The following ABCB11 variants were observed in gnomAD, a reference collection of about 807,000 sequenced individuals.
ABCB11 encodes ATP binding cassette subfamily B member 11.
In ABCB11, 95 loss-of-function variants were observed where a neutral mutation model predicts 148.0. The ratio of observed to expected loss-of-function variants is 0.64; its 90% CI spans 0.54 to 0.76. ABCB11 has a LOEUF of 0.76. ABCB11 is among the 30% of genes least tolerant of loss of function. The pLI, the probability that ABCB11 is intolerant of heterozygous loss-of-function variation, is 0.00. For synonymous variants in ABCB11, 591 were observed against 555.4 expected (o/e 1.06, Z -0.90); for missense variants, 1,523 against 1,617.8 (o/e 0.94, Z 1.01).
intron 2 of ABCB11, among the ~76,000 whole-genome samples, chr2:169,017,012 ACACAC>A: frequency 6.7e-6 from 1 of 149,370 alleles, no homozygotes; most frequent in Non-Finnish European, 1.5e-5. Context: ...ACACACACAC[ACACAC>A]ACACACGAAG....
chr2:168,950,601 C>A (rs948462003), intron 19 of ABCB11, among the ~76,000 whole-genome samples: 3 of 151,580 alleles, frequency 2.0e-5, no homozygotes, highest in African/African-American at 7.3e-5. Flanking sequence ...AATATCTGCT[C>A]ATGTCCTTCA....
intron 1 of ABCB11, among the ~76,000 whole-genome samples, chr2:169,019,192 T>C (rs1345618270): frequency 2.0e-5 from 3 of 152,098 alleles, no homozygotes; most frequent in Non-Finnish European, 2.9e-5. Flanking sequence ...ATGTATTACA[T>C]ACATATATAC....
chr2:169,026,020 A>G (rs1367755671), intron 1 of ABCB11, among the ~76,000 whole-genome samples: 1 of 152,242 alleles, frequency 6.6e-6, no homozygotes, highest in Non-Finnish European at 1.5e-5. Flanking sequence ...AGATAAAGAA[A>G]TAACAGCCAT....
intron 8 of ABCB11, among the ~76,000 whole-genome samples, chr2:168,991,389 C>T (rs1375873882): frequency 6.6e-6 from 1 of 151,970 alleles, no homozygotes; most frequent in East Asian, 1.9e-4. Flanking sequence ...CAGATGATTC[C>T]AGAAAAGAAA....
chr2:168,944,872 GA>G lies in ABCB11; in HGVS notation c.2432del (p.Phe811SerfsTer17). ...LFVAMGCVSL[F>X]TQFLQGYAFA... Reference sequence around the variant, plus strand: ...CATTTCTTACCTGTAGAAATTGGGTGAAAAGAGATACACAGCCCATTGCTAC... The same window carrying G: ...CATTTCTTACCTGTAGAAATTGGGTGAAAGAGATACACAGCCCATTGCTAC... On this transcript the variant is annotated frameshift_variant, in exon 20 of 28. Coordinates refer to ENST00000650372, the MANE Select transcript of ABCB11 (RefSeq NM_003742.4). LOFTEE classifies it high-confidence loss of function. 1.9e-6 allele frequency: 3 copies of G among 1,587,144 alleles called. No homozygotes were observed. Among genetic ancestry groups the G allele is most frequent in the Non-Finnish European group, 2.6e-6 (3 of 1,165,306 alleles).
In ABCB11 at chr2:168,994,233, C is replaced by A. The variant is rs1192043465; in HGVS notation, c.612-351G>T. 2.0e-5 allele frequency among the ~76,000 whole-genome samples: 3 copies of A among 152,048 alleles called. 1 individual carries two copies. In the East Asian group the frequency reaches 5.8e-4, roughly 29 times the overall value. Reference sequence around the variant, plus strand: ...TTCATGCCTGCTGAATCCTTTCAGCCTCAAGGTTCTAGTCACATACCTTCT... The same window carrying A: ...TTCATGCCTGCTGAATCCTTTCAGCATCAAGGTTCTAGTCACATACCTTCT... On this transcript the variant is annotated intron_variant, in intron 7 of 27. Transcript: ENST00000650372.
chr2:168,915,891 C>T (rs1211805668), downstream of ABCB11, among the ~76,000 whole-genome samples: 5 of 152,102 alleles, frequency 3.3e-5, no homozygotes, highest in Non-Finnish European at 5.9e-5. Flanking sequence ...AAAAGAAAAG[C>T]GTGTCGGATT....
chr2:168,993,505 TA>T (rs1694609379), intron 8 of ABCB11, among the ~76,000 whole-genome samples: 1 of 152,104 alleles, frequency 6.6e-6, no homozygotes, highest in Non-Finnish European at 1.5e-5. Context: ...TTGCTGTTAA[TA>T]AAACAATATT....
At chr2:169,025,902 C>A (rs1289696944) in intron 1 of ABCB11, among the ~76,000 whole-genome samples, 1 of 152,146 alleles carries the variant, frequency 6.6e-6, no homozygotes, top group East Asian at 1.9e-4. Context: ...TTAGAAAGAA[C>A]CTGTTACAGA....
In ABCB11 at chr2:168,986,104, A is replaced by C; in HGVS notation, c.1083+6T>G. On this transcript the variant is annotated splice_donor_region_variant and intron_variant, in intron 10 of 27. Coordinates refer to ENST00000650372, the MANE Select transcript of ABCB11 (RefSeq NM_003742.4). The stretch of plus-strand genomic sequence containing the variant: ...TGCTATGTCTCGGTCAATAAGTCCA[A>C]GGTACCTGGACAAGGGTTCCTGGTG... 2 of 1,588,430 alleles carry C rather than the reference A, an allele frequency of 1.3e-6. No homozygotes were observed. The highest frequency in any genetic ancestry group is 1.7e-6 in the Non-Finnish European group (2 of 1,166,466).
At chr2:168,934,857 C>G (rs183484067) in intron 23 of ABCB11, among the ~76,000 whole-genome samples, 1 of 152,132 alleles carries the variant, frequency 6.6e-6, no homozygotes. Context: ...AGTTTCTTTG[C>G]GTGGAGAGAC....
rs1574394033 is a variant in ABCB11, at chr2:168,927,204, T to C, written c.3570A>G (p.Ala1190=). 1.9e-6 allele frequency: 3 copies of C among 1,613,884 alleles called. No individual in the cohort carries two copies. Among genetic ancestry groups the C allele is most frequent in the Non-Finnish European group, 2.5e-6 (3 of 1,179,784 alleles). The part of the protein sequence containing the change: ...TKEIPMERVI[A]AAKQAQLHDF... ...CATGCAGCTGAGCCTGTTTTGCAGC[T>C]GCTATGACTCTTTCCATGGGAATTT... Residue 1190 remains alanine (A), a synonymous_variant, in exon 26 of 28, where the codon GCA becomes GCG. Transcript: ENST00000650372.
intron 17 of ABCB11, among the ~76,000 whole-genome samples, chr2:168,964,559 G>A (rs535153029): frequency 1.3e-5 from 2 of 151,742 alleles, no homozygotes; most frequent in African/African-American, 2.4e-5. Flanking sequence ...GTCAGGGAGG[G>A]AGAAAGAGAA....
chr2:168,991,072 G>T, intron 8 of ABCB11, 147 bp from the exon 9 acceptor site: 1 of 1,045,870 alleles, frequency 9.6e-7, no homozygotes, highest in Non-Finnish European at 1.3e-6. Flanking sequence ...AAGAAATCTG[G>T]TCCAAATTTG....
At position 168,921,863 on chromosome 2, in the gene ABCB11, C is replaced by CTTTTTTTTTTTTT. The variant is rs58414999; in HGVS notation, c.*1746_*1758dup. Among the ~76,000 whole-genome samples the CTTTTTTTTTTTTT allele has an allele frequency of 8.1e-6, 1 of 123,902 alleles. No individual in the cohort carries two copies. Among genetic ancestry groups the CTTTTTTTTTTTTT allele is most frequent in the Non-Finnish European group, 1.7e-5 (1 of 59,572 alleles). The allele number at this position is 123,902 out of a possible 152,430, so 81.3% of individuals were successfully genotyped here. The stretch of plus-strand genomic sequence containing the variant: ...CTTGACCTCTTTTCTTTTTCTTTTT[C>CTTTTTTTTTTTTT]TTTTTTTTTTTTTTTCGCTCTGTCG... On this transcript the variant is annotated 3_prime_UTR_variant, in exon 28 of 28. Coordinates refer to ENST00000650372, the MANE Select transcript of ABCB11 (RefSeq NM_003742.4).
chr2:168,957,860 A>C, intron 19 of ABCB11, 104 bp downstream of exon 19: 1 of 1,119,866 alleles, frequency 8.9e-7, no homozygotes, highest in Non-Finnish European at 1.2e-6. Context: ...GAGAAAAATG[A>C]ACTAACAGAA....
At chr2:169,021,173 G>C (rs1695529030) in intron 1 of ABCB11, among the ~76,000 whole-genome samples, 2 of 151,956 alleles carry the variant, frequency 1.3e-5, no homozygotes. Context: ...ATATTGGCCA[G>C]GCTGGTCTCA....
At chr2:168,959,264 C>T (rs1297799170) in intron 18 of ABCB11, among the ~76,000 whole-genome samples, 1 of 151,704 alleles carries the variant, frequency 6.6e-6, no homozygotes, top group Non-Finnish European at 1.5e-5. Flanking sequence ...TCTTGGCCTG[C>T]TCTCACCATT....
At chr2:169,024,591 A>G (rs1416674297) in intron 1 of ABCB11, among the ~76,000 whole-genome samples, 1 of 152,110 alleles carries the variant, frequency 6.6e-6, no homozygotes, top group Non-Finnish European at 1.5e-5. Context: ...GTATTAATGA[A>G]CCAATATTGA....
Sources: allele counts gnomAD v4.1 joint callset (sites outside exome capture counted in the v4.1 genomes callset), GRCh38; gene constraint gnomAD v4.1.1; transcripts MANE v1.5; gene names NCBI Gene and HGNC (gene_info 2026-07-23, HGNC 2026-07-21).